Variants in TMEM178B observed in about 807,000 individuals in gnomAD.
The protein encoded by TMEM178B is transmembrane protein 178B.
A neutral mutation model predicts 31.0 loss-of-function variants in TMEM178B; 5 were observed. The ratio of observed to expected loss-of-function variants is 0.16; its 90% confidence interval spans 0.08 to 0.34. The LOEUF is 0.34. TMEM178B is among the 10% of genes least tolerant of loss of function. The pLI, the probability that TMEM178B is intolerant of heterozygous loss-of-function variation, is 1.00. For missense variants in TMEM178B, 275 were observed against 400.3 expected (o/e 0.69, Z 2.67); for synonymous variants, 164 against 164.0 (o/e 1.00, Z 0.00).
At chr7:141,263,522 G>A (rs1448649802) in intron 2 of TMEM178B, among the ~76,000 whole-genome samples, 1 of 152,202 alleles carries the variant, frequency 6.6e-6, no homozygotes, top group African/African-American at 2.4e-5. Flanking sequence ...GTGAAGGCTG[G>A]GGTAGGGGAA....
At chr7:141,104,402 G>A (rs1795106614) in intron 1 of TMEM178B, among the ~76,000 whole-genome samples, 1 of 152,186 alleles carries the variant, frequency 6.6e-6, no homozygotes, top group African/African-American at 2.4e-5. Flanking sequence ...TATATTAGAA[G>A]ATGTGAGGAG....
chr7:141,097,576 T>C (rs963811926), intron 1 of TMEM178B, among the ~76,000 whole-genome samples: 11 of 151,982 alleles, frequency 7.2e-5, no homozygotes, highest in African/African-American at 2.7e-4. Flanking sequence ...AGAGAATCAG[T>C]CCACCTTGAC....
intron 2 of TMEM178B, among the ~76,000 whole-genome samples, chr7:141,258,500 G>C (rs988042436): frequency 6.6e-6 from 1 of 152,130 alleles, no homozygotes; most frequent in African/African-American, 2.4e-5. Flanking sequence ...TGCATTAAGG[G>C]CAGAAAAGAA....
At chr7:141,210,411 C>T (rs1247729441) in intron 1 of TMEM178B, among the ~76,000 whole-genome samples, 3 of 151,916 alleles carry the variant, frequency 2.0e-5, no homozygotes, top group African/African-American at 4.8e-5. Context: ...TGTGGTGAGC[C>T]GAGATCGCGC....
At chr7:141,264,255 C>T (rs182509364) in intron 2 of TMEM178B, among the ~76,000 whole-genome samples, 197 of 152,360 alleles carry the variant, frequency 1.3e-3, no homozygotes, top group African/African-American at 4.6e-3. Flanking sequence ...AACCAAGACA[C>T]TGCTCTCAGG....
rs142790872 is a variant in TMEM178B, at chr7:141,401,453, A to T, written c.497-36155A>T. On this transcript the variant is annotated intron_variant, in intron 2 of 3. Transcript: ENST00000565468. The stretch of plus-strand genomic sequence containing the variant: ...TTTAGAGACAGGGTCTTGCTCTGTC[A>T]CCCAGGCTCGAGCACAGTGTGGTGC... Among the ~76,000 whole-genome samples the T allele has an allele frequency of 2.8e-3, 428 of 152,322 alleles. 3 individuals carry two copies. The highest frequency in any genetic ancestry group is 9.7e-3 in the African/African-American group (403 of 41,566).
Position 141,224,568 on chromosome 7 carries a change from C to T in TMEM178B, c.496+11864C>T, listed in dbSNP as rs111901452. Among the ~76,000 whole-genome samples, 998 of 152,294 alleles carry T rather than the reference C, an allele frequency of 6.6e-3. 13 individuals are homozygous for T. Among genetic ancestry groups the T allele is most frequent in the African/African-American group, 0.023 (941 of 41,562 alleles). Reference sequence around the variant, plus strand: ...AATCCCAGAGCTACTTGGGGTGTTACTAGGCCTTTCTGTCAATCTGTGTCC... The same window carrying T: ...AATCCCAGAGCTACTTGGGGTGTTATTAGGCCTTTCTGTCAATCTGTGTCC... On this transcript the variant is annotated intron_variant, in intron 2 of 3. Transcript: ENST00000565468.
chr7:141,404,731 C>T (rs1800850628), intron 2 of TMEM178B, among the ~76,000 whole-genome samples: 1 of 152,216 alleles, frequency 6.6e-6, no homozygotes, highest in Non-Finnish European at 1.5e-5. Context: ...TTAGGACTTA[C>T]ACATATCTTT....
chr7:141,307,648 A>G (rs536563646), intron 2 of TMEM178B, among the ~76,000 whole-genome samples: 2 of 152,352 alleles, frequency 1.3e-5, no homozygotes, highest in Non-Finnish European at 2.9e-5. Flanking sequence ...GACTCTCCCC[A>G]TAAGGACAGA....
intron 2 of TMEM178B, among the ~76,000 whole-genome samples, chr7:141,399,317 G>A (rs1164106383): frequency 1.3e-5 from 2 of 152,192 alleles, no homozygotes; most frequent in South Asian, 2.1e-4. Context: ...CCCTGACTTG[G>A]GTAACACTGG....
chr7:141,349,816 C>A (rs1180615036), intron 2 of TMEM178B, among the ~76,000 whole-genome samples: 1 of 152,138 alleles, frequency 6.6e-6, no homozygotes, highest in East Asian at 1.9e-4. Context: ...CAAGGCAGAG[C>A]CAGGGCAGAA....
At chr7:141,415,104 AAGAG>A (rs1801073263) in intron 2 of TMEM178B, 1 of 152,236 alleles carries the variant, frequency 6.6e-6, no homozygotes, top group South Asian at 2.1e-4. Context: ...TGAAGGAGGG[AAGAG>A]AGAAAGGAGA....
intron 2 of TMEM178B, among the ~76,000 whole-genome samples, chr7:141,322,301 C>T (rs765182060): frequency 2.0e-5 from 3 of 150,342 alleles, no homozygotes; most frequent in Non-Finnish European, 4.4e-5. Flanking sequence ...CTGAGGTGGG[C>T]GGACCACTTG....
chr7:141,246,557 A>AT (rs1447087164), intron 2 of TMEM178B, among the ~76,000 whole-genome samples: 1 of 152,176 alleles, frequency 6.6e-6, no homozygotes, highest in African/African-American at 2.4e-5. Context: ...CAAAATAAGT[A>AT]TTTTTTTAAG....
intron 1 of TMEM178B, among the ~76,000 whole-genome samples, chr7:141,109,501 G>A (rs914691627): frequency 2.0e-5 from 3 of 152,100 alleles, no homozygotes; most frequent in African/African-American, 7.2e-5. Context: ...ACTTTTCAAA[G>A]GCCTGGGTTC....
intron 1 of TMEM178B, among the ~76,000 whole-genome samples, chr7:141,139,770 T>G (rs1173121212): frequency 6.6e-6 from 1 of 152,090 alleles, no homozygotes; most frequent in African/African-American, 2.4e-5. Context: ...AATGAAGTTT[T>G]TTTTTTTTTT....
chr7:141,348,147 G>A (rs1256993819), intron 2 of TMEM178B, among the ~76,000 whole-genome samples: 1 of 152,172 alleles, frequency 6.6e-6, no homozygotes, highest in Admixed American at 6.6e-5. Context: ...AAAATCTTGG[G>A]TTTTACGATA....
intron 3 of TMEM178B, among the ~76,000 whole-genome samples, chr7:141,459,401 C>T (rs966067490): frequency 2.0e-5 from 3 of 152,282 alleles, no homozygotes; most frequent in East Asian, 3.9e-4. Context: ...ATTGAATGCT[C>T]AGTGCTGTGT....
intron 2 of TMEM178B, among the ~76,000 whole-genome samples, chr7:141,436,399 AC>A (rs747716149): frequency 6.6e-6 from 1 of 152,006 alleles, no homozygotes; most frequent in African/African-American, 2.4e-5. Flanking sequence ...CTGTTCTGCA[AC>A]CCCCTGGGAA....
Sources: gnomAD v4.1 joint callset for allele counts (sites outside exome capture counted in the v4.1 genomes callset) on GRCh38, gnomAD v4.1.1 for gene constraint, MANE v1.5 for transcripts, NCBI Gene and HGNC (gene_info 2026-07-23, HGNC 2026-07-21) for gene names.